MEF2C: variants seen among roughly 807,000 people sequenced by gnomAD.
MEF2C encodes myocyte enhancer factor 2C, also known as myocyte-specific enhancer factor 2C.
In MEF2C, 6 loss-of-function variants were observed where a neutral mutation model predicts 50.5. That is an observed-to-expected ratio of 0.12 (90% confidence interval 0.07 to 0.23). The LOEUF (loss-of-function observed/expected upper bound fraction) is 0.23, where lower values mean the gene tolerates loss of function less well. Ranked by LOEUF, MEF2C falls within the 10% of genes least tolerant of loss-of-function variation. The probability of loss-of-function intolerance (pLI) is 1.00; values close to 1 mark genes in which losing one functional copy is unlikely to be tolerated. For synonymous variants in MEF2C, 183 were observed against 228.0 expected (o/e 0.80, Z 1.78); for missense variants, 276 against 605.0 (o/e 0.46, Z 5.70).
intron 1 of MEF2C, among the ~76,000 whole-genome samples, chr5:88,852,679 T>C (rs1221766657): frequency 6.6e-6 from 1 of 152,200 alleles, no homozygotes; most frequent in Non-Finnish European, 1.5e-5. Flanking sequence ...GAGACCAGCC[T>C]GGCCAACATG....
At chr5:88,729,604 G>A in intron 8 of MEF2C, 1 of 429,634 alleles carries the variant, frequency 2.3e-6, no homozygotes, top group Non-Finnish European at 4.3e-6. Flanking sequence ...GCTTTATTAT[G>A]GGTAAAAACA....
intron 1 of MEF2C, chr5:88,839,196 T>C (rs1816335557): frequency 6.6e-6 from 1 of 152,176 alleles, no homozygotes; most frequent in Non-Finnish European, 1.5e-5. Context: ...CAGAACACCA[T>C]GTACCTATGT....
chr5:88,749,182 C>T, intron 5 of MEF2C, 65 bp from the exon 6 acceptor site: 1 of 1,449,472 alleles, frequency 6.9e-7, no homozygotes, highest in South Asian at 1.4e-5. Flanking sequence ...AACACTTTAC[C>T]TTCAGCAACC....
intron 3 of MEF2C, among the ~76,000 whole-genome samples, chr5:88,763,456 A>G (rs930728555): frequency 3.9e-5 from 6 of 152,114 alleles, no homozygotes; most frequent in South Asian, 2.1e-4. Flanking sequence ...GCTGATAACT[A>G]TTGTATTATG....
intron 4 of MEF2C, among the ~76,000 whole-genome samples, chr5:88,755,948 G>T (rs935562278): frequency 6.6e-6 from 1 of 152,108 alleles, no homozygotes; most frequent in African/African-American, 2.4e-5. Flanking sequence ...TTATCCCCAA[G>T]AATTAATTCT....
chr5:88,760,836 G>A (rs1777524682), intron 4 of MEF2C, among the ~76,000 whole-genome samples: 1 of 152,004 alleles, frequency 6.6e-6, no homozygotes, highest in South Asian at 2.1e-4. Context: ...CATCCTTTAG[G>A]GTTTGCTTTC....
At chr5:88,899,701 C>A (rs1350467261) in intron 1 of MEF2C, among the ~76,000 whole-genome samples, 1 of 152,092 alleles carries the variant, frequency 6.6e-6, no homozygotes, top group Non-Finnish European at 1.5e-5. Flanking sequence ...ATTAAACTTG[C>A]CTATCTTTCA....
At chr5:88,862,912 C>G (rs1825972965) in intron 1 of MEF2C, among the ~76,000 whole-genome samples, 1 of 152,194 alleles carries the variant, frequency 6.6e-6, no homozygotes, top group Non-Finnish European at 1.5e-5. Flanking sequence ...TCATTAGGTG[C>G]CCCCAATTTC....
chr5:88,869,256 T>TATATATATATATATATATACAC (rs1828427792), intron 1 of MEF2C, among the ~76,000 whole-genome samples: 1 of 74,160 alleles, frequency 1.3e-5, no homozygotes, highest in Non-Finnish European at 2.4e-5. Flanking sequence ...AGTTTTCATA[T>TATATATATATATATATATACAC]ATATATATAT....
chr5:88,739,044 T>C (rs1238542703), intron 6 of MEF2C: 5 of 982,680 alleles, frequency 5.1e-6, no homozygotes, highest in Non-Finnish European at 6.0e-6. Flanking sequence ...TATACTTAAA[T>C]GGTAATGATG....
chr5:88,783,292 A>G (rs554858418), intron 3 of MEF2C, among the ~76,000 whole-genome samples: 2 of 152,312 alleles, frequency 1.3e-5, no homozygotes, highest in Non-Finnish European at 2.9e-5. Context: ...AGCTAAGCAG[A>G]AGATAGTATT....
intron 3 of MEF2C, among the ~76,000 whole-genome samples, chr5:88,803,813 TA>T (rs1288683945): frequency 1.3e-5 from 2 of 151,844 alleles, no homozygotes; most frequent in East Asian, 1.9e-4. Flanking sequence ...TAAAATAAAA[TA>T]AAATAAAATG....
intron 6 of MEF2C, chr5:88,737,817 T>C (rs1290037248): frequency 1.5e-5 from 15 of 985,300 alleles, no homozygotes; most frequent in East Asian, 1.1e-4. Context: ...TCTAAGATTA[T>C]GTTAACTTTA....
chr5:88,772,594 TA>T lies in MEF2C; in HGVS notation c.259-11267del, dbSNP rs1036695232. ...AAGTTATTTCTATTCTTCAATTTCTTAAATAGCAGGCAGAGAGATTTTTCAA... is the reference window on the plus strand; with the variant it reads ...AAGTTATTTCTATTCTTCAATTTCTTAATAGCAGGCAGAGAGATTTTTCAA... On this transcript the variant is annotated intron_variant, in intron 3 of 10. Coordinates refer to ENST00000504921, the MANE Select transcript of MEF2C (RefSeq NM_002397.5). 22 of 357,096 alleles carry T rather than the reference TA, an allele frequency of 6.2e-5. No homozygotes were observed. In the South Asian group the frequency reaches 6.9e-4, roughly 11 times the overall value. The allele number at this position is 357,096 out of a possible 1,614,324, so 22.1% of individuals were successfully genotyped here.
chr5:88,796,341 T>G (rs936209073), intron 3 of MEF2C, among the ~76,000 whole-genome samples: 1 of 152,212 alleles, frequency 6.6e-6, no homozygotes, highest in Non-Finnish European at 1.5e-5. Context: ...TATTCAGTAT[T>G]TGACTTCTTC....
chr5:88,782,548 T>A (rs1788660619), intron 3 of MEF2C, among the ~76,000 whole-genome samples: 1 of 152,216 alleles, frequency 6.6e-6, no homozygotes. Flanking sequence ...TTTGCTTTTT[T>A]AATACACTGT....
intron 4 of MEF2C, among the ~76,000 whole-genome samples, chr5:88,754,434 G>T (rs934850034): frequency 6.6e-6 from 1 of 152,108 alleles, no homozygotes; most frequent in Non-Finnish European, 1.5e-5. Flanking sequence ...TCTGTAAACA[G>T]TCCTTTTAAC....
At chr5:88,749,040 T>C (rs963292756) in intron 6 of MEF2C, 30 bp downstream of exon 6, 4 of 1,560,460 alleles carry the variant, frequency 2.6e-6, no homozygotes, top group Non-Finnish European at 3.5e-6. Flanking sequence ...AGAACAATGA[T>C]ACATACTGCA....
chr5:88,866,410 C>G (rs1202342600), intron 1 of MEF2C, among the ~76,000 whole-genome samples: 2 of 152,202 alleles, frequency 1.3e-5, no homozygotes, highest in African/African-American at 4.8e-5. Context: ...GCTTGTATAT[C>G]TGGTAATTCA....
Sources: allele counts gnomAD v4.1 joint callset (sites outside exome capture counted in the v4.1 genomes callset), GRCh38; gene constraint gnomAD v4.1.1; transcripts MANE v1.5; gene names NCBI Gene and HGNC (gene_info 2026-07-23, HGNC 2026-07-21).